Variants in IL20RB observed in about 807,000 individuals in gnomAD.
The protein encoded by IL20RB is interleukin 20 receptor subunit beta.
IL20RB carries 21 observed loss-of-function variants against 33.3 expected under a neutral mutation model. That is an observed-to-expected ratio of 0.63 (90% CI 0.45 to 0.91). The LOEUF (loss-of-function observed/expected upper bound fraction) is 0.91. Among genes scored for constraint, IL20RB ranks in the 40% least tolerant of loss-of-function variants. The pLI, the probability that IL20RB is intolerant of heterozygous loss-of-function variation, is 0.00. For synonymous variants in IL20RB, 147 were observed against 146.8 expected (o/e 1.00, Z -0.01); for missense variants, 345 against 384.8 (o/e 0.90, Z 0.86).
intron 5 of IL20RB, among the ~76,000 whole-genome samples, chr3:136,993,113 G>C (rs889797443): frequency 6.6e-6 from 1 of 151,998 alleles, no homozygotes; most frequent in African/African-American, 2.4e-5. Context: ...CTGTAATCCC[G>C]GCACTTTGGG....
chr3:136,985,368 G>A (rs899380375), intron 3 of IL20RB, among the ~76,000 whole-genome samples: 4 of 140,368 alleles, frequency 2.8e-5, no homozygotes, highest in South Asian at 2.2e-4. Context: ...ATGGAGTTCC[G>A]CTCTTGTTGC....
At chr3:136,960,608 T>C (rs955485706) in intron 1 of IL20RB, among the ~76,000 whole-genome samples, 2 of 152,232 alleles carry the variant, frequency 1.3e-5, no homozygotes, top group Admixed American at 6.5e-5. Flanking sequence ...AAATGTTATC[T>C]TGACTTCTCA....
chr3:136,984,495 G>C (rs1190494555), intron 3 of IL20RB, among the ~76,000 whole-genome samples: 3 of 152,090 alleles, frequency 2.0e-5, no homozygotes, highest in Non-Finnish European at 4.4e-5. Flanking sequence ...CTGTTTTCGT[G>C]ATGTGGCAGA....
intron 1 of IL20RB, among the ~76,000 whole-genome samples, chr3:136,973,522 G>T (rs937087914): frequency 6.6e-6 from 1 of 152,054 alleles, no homozygotes; most frequent in Non-Finnish European, 1.5e-5. Flanking sequence ...CTGATGAAAA[G>T]AATATATATT....
At chr3:136,994,836 A>G (rs992439683) in intron 5 of IL20RB, among the ~76,000 whole-genome samples, 1 of 152,164 alleles carries the variant, frequency 6.6e-6, no homozygotes, top group African/African-American at 2.4e-5. Context: ...ACTCACACTC[A>G]TTGTGAAGAA....
At chr3:137,000,362 T>C (rs1035855051) in intron 6 of IL20RB, among the ~76,000 whole-genome samples, 2 of 152,228 alleles carry the variant, frequency 1.3e-5, no homozygotes, top group African/African-American at 4.8e-5. Flanking sequence ...TCTCTCCTTT[T>C]TGGGATTTTT....
At chr3:137,001,442 C>T (rs1285643371) in intron 6 of IL20RB, among the ~76,000 whole-genome samples, 1 of 152,202 alleles carries the variant, frequency 6.6e-6, no homozygotes, top group East Asian at 1.9e-4. Flanking sequence ...TGAATCAATA[C>T]TGCCACCTCC....
At chr3:137,003,656 G>A (rs2107721699) in intron 6 of IL20RB, among the ~76,000 whole-genome samples, 1 of 152,318 alleles carries the variant, frequency 6.6e-6, no homozygotes, top group East Asian at 1.9e-4. Context: ...TAAGCTTAAG[G>A]AGATTTTGGG....
At chr3:136,993,357 C>T (rs529674410) in intron 5 of IL20RB, among the ~76,000 whole-genome samples, 36 of 152,300 alleles carry the variant, frequency 2.4e-4, no homozygotes, top group Admixed American at 2.4e-3. Flanking sequence ...CTACTCTGTA[C>T]TTGGCTTGTC....
chr3:136,990,107 G>T (rs1288431033), intron 4 of IL20RB, among the ~76,000 whole-genome samples: 2 of 151,918 alleles, frequency 1.3e-5, no homozygotes, highest in Non-Finnish European at 1.5e-5. Context: ...CATGGGAAGG[G>T]TGCTACAGCC....
Position 136,989,554 on chromosome 3 carries a change from C to A in IL20RB, c.520C>A (p.Pro174Thr), listed in dbSNP as rs1342334408. ...EFLVAYWRREPGAEEHVKMVR... is the reference protein window; with the variant it reads ...EFLVAYWRRETGAEEHVKMVR... The stretch of plus-strand genomic sequence containing the variant: ...CCTTGTGGCCTACTGGAGGAGGGAG[C>A]CTGGTGCCGAGGTGAGACTCCAGCC... Residue 174 changes from proline (P) to threonine (T), a missense_variant, in exon 4 of 7, where the codon CCT becomes ACT. By Grantham distance (38) the Pro-to-Thr change is conservative. Transcript: ENST00000329582. The A allele has an allele frequency of 1.2e-6, 2 of 1,613,648 alleles. No homozygotes were observed. Among genetic ancestry groups the A allele is most frequent in the African/African-American group, 1.3e-5 (1 of 74,902 alleles).
intron 6 of IL20RB, among the ~76,000 whole-genome samples, chr3:137,001,937 C>A (rs1415730137): frequency 1.3e-5 from 2 of 152,084 alleles, no homozygotes; most frequent in Non-Finnish European, 2.9e-5. Flanking sequence ...AGTCCACCTC[C>A]TGACAGGCCC....
chr3:136,982,400 G>T, intron 3 of IL20RB, 50 bp downstream of exon 3: 2 of 1,351,698 alleles, frequency 1.5e-6, no homozygotes, highest in Non-Finnish European at 1.0e-6. Context: ...CCCTCCTTTA[G>T]GAACCATGTT....
intron 3 of IL20RB, among the ~76,000 whole-genome samples, chr3:136,985,888 AG>A (rs1175735749): frequency 2.0e-5 from 3 of 152,216 alleles, no homozygotes; most frequent in Non-Finnish European, 4.4e-5. Context: ...GTAGAAATGT[AG>A]AAAGAAATGG....
intron 4 of IL20RB, among the ~76,000 whole-genome samples, chr3:136,990,394 C>T (rs139436190): frequency 6.6e-6 from 1 of 152,260 alleles, no homozygotes; most frequent in African/African-American, 2.4e-5. Flanking sequence ...CCCTTGCTCC[C>T]CTCTGGTGGG....
At chr3:137,002,139 A>G (rs1038748527) in intron 6 of IL20RB, among the ~76,000 whole-genome samples, 1 of 151,868 alleles carries the variant, frequency 6.6e-6, no homozygotes, top group Admixed American at 6.6e-5. Flanking sequence ...ATTCCATGGT[A>G]TATATGTGCC....
intron 3 of IL20RB, among the ~76,000 whole-genome samples, chr3:136,987,445 C>T (rs1433607555): frequency 4.6e-5 from 7 of 152,114 alleles, no homozygotes; most frequent in Non-Finnish European, 8.8e-5. Context: ...ACAGAGTGCC[C>T]ATTGGTGTAT....
intron 6 of IL20RB, among the ~76,000 whole-genome samples, chr3:137,007,794 C>T (rs988619259): frequency 6.6e-6 from 1 of 152,156 alleles, no homozygotes; most frequent in African/African-American, 2.4e-5. Context: ...TGGGCTGCAC[C>T]GACTGTCCAA....
intron 6 of IL20RB, among the ~76,000 whole-genome samples, chr3:137,006,914 A>G (rs929555503): frequency 6.6e-6 from 1 of 152,054 alleles, no homozygotes; most frequent in Non-Finnish European, 1.5e-5. Flanking sequence ...GGTTATATGT[A>G]CCTTTCGTCT....
Sources: gnomAD v4.1 joint callset for allele counts (sites outside exome capture counted in the v4.1 genomes callset) on GRCh38, gnomAD v4.1.1 for gene constraint, MANE v1.5 for transcripts, NCBI Gene and HGNC (gene_info 2026-07-23, HGNC 2026-07-21) for gene names.